The following BCLAF1 variants were observed in gnomAD, a reference collection of about 807,000 sequenced individuals.
BCLAF1 encodes the protein bcl-2-associated transcription factor 1.
BCLAF1 carries 10 observed loss-of-function variants against 99.5 expected under a neutral mutation model. That is an observed-to-expected ratio of 0.10 (90% CI 0.06 to 0.17). The LOEUF is 0.17. BCLAF1 is among the 10% of genes least tolerant of loss of function. The probability of loss-of-function intolerance (pLI) is 1.00; values close to 1 mark genes in which losing one functional copy is unlikely to be tolerated. For missense variants in BCLAF1, 636 were observed against 1,105.8 expected (o/e 0.58, Z 6.02); for synonymous variants, 255 against 370.9 (o/e 0.69, Z 3.59).
Position 136,259,113 on chromosome 6 carries a change from C to T in BCLAF1, c.*1997G>A, listed in dbSNP as rs1780670942. On this transcript the variant is annotated 3_prime_UTR_variant, in exon 13 of 13. Coordinates refer to ENST00000531224, the MANE Select transcript of BCLAF1 (RefSeq NM_014739.3). ...CTGAAAAAGGTAACATCCACAATGACATTCTATTACAGAGTTCTTACAATC... is the reference window on the plus strand; with the variant it reads ...CTGAAAAAGGTAACATCCACAATGATATTCTATTACAGAGTTCTTACAATC... 6.6e-6 allele frequency: 1 copy of T among 152,002 alleles called. No homozygotes were observed. Among genetic ancestry groups the T allele is most frequent in the Non-Finnish European group, 1.5e-5 (1 of 67,878 alleles). 9.4% of individuals were successfully genotyped at this position (152,002 alleles called of 1,614,324 possible).
intron 8 of BCLAF1, 109 bp from the exon 9 acceptor site, chr6:136,269,721 T>A: frequency 1.3e-6 from 1 of 768,524 alleles, no homozygotes; most frequent in African/African-American, 1.8e-5. Context: ...GGCATTTTAG[T>A]ATCAGAAAAT....
chr6:136,287,541 T>C (rs1004385383), intron 1 of BCLAF1, among the ~76,000 whole-genome samples: 1 of 152,216 alleles, frequency 6.6e-6, no homozygotes, highest in African/African-American at 2.4e-5. Context: ...CCTCTTCTAC[T>C]TATTTGGTAA....
chr6:136,276,540 C>G lies in BCLAF1; in HGVS notation c.1017-32G>C, dbSNP rs1278591139. The G allele has an allele frequency of 8.4e-6, 13 of 1,556,030 alleles. No homozygotes were observed. The Admixed American group carries it at 2.3e-4, about 28-fold the overall frequency. On this transcript the variant is annotated intron_variant, in intron 4 of 12. Coordinates refer to ENST00000531224, the MANE Select transcript of BCLAF1 (RefSeq NM_014739.3). ...ATAAGCAAAGAAGAGGATAGTAACTCTGGATTGCATTCACTGTAGATCGCT... is the reference window on the plus strand; with the variant it reads ...ATAAGCAAAGAAGAGGATAGTAACTGTGGATTGCATTCACTGTAGATCGCT...
In BCLAF1 at chr6:136,258,692, T is replaced by C. The variant is rs1780629291; in HGVS notation, c.*2418A>G. 1 of 152,542 alleles carries C rather than the reference T, an allele frequency of 6.6e-6. No individual in the cohort carries two copies. Among genetic ancestry groups the C allele is most frequent in the Non-Finnish European group, 1.5e-5 (1 of 67,930 alleles). The allele number at this position is 152,542 out of a possible 1,614,324, so 9.4% of individuals were successfully genotyped here. A position where few individuals can be genotyped will look rare whatever the true frequency, so the allele number is the denominator to read the frequency against. Reference sequence around the variant, plus strand: ...TCGTTTAGCCATCTACATTCAATGTTACTGGGTAATATTTTTCTCAAATTA... The same window carrying C: ...TCGTTTAGCCATCTACATTCAATGTCACTGGGTAATATTTTTCTCAAATTA... On this transcript the variant is annotated 3_prime_UTR_variant, in exon 13 of 13. Transcript: ENST00000531224.
Position 136,261,295 on chromosome 6 carries a change from T to C in BCLAF1, c.2727A>G (p.Glu909=). 1.2e-6 allele frequency: 2 copies of C among 1,613,710 alleles called. No homozygotes were observed. The highest frequency in any genetic ancestry group is 8.5e-7 in the Non-Finnish European group (1 of 1,179,850). ...CTTCCTTGCGTCTGTCCTTCTTTTC[T>C]TCATTATTTTCCATGGTCTCTTCTT... ...EDEEETMENN[E]EKKDRRKEEK... Residue 909 remains glutamate, a synonymous_variant, in exon 12 of 13, where the codon GAA becomes GAG. Coordinates refer to ENST00000531224, the MANE Select transcript of BCLAF1 (RefSeq NM_014739.3).
intron 1 of BCLAF1, among the ~76,000 whole-genome samples, chr6:136,288,206 T>C (rs113309584): frequency 2.2e-3 from 337 of 152,326 alleles, no homozygotes; most frequent in South Asian, 7.7e-3. Context: ...AATGTACTGG[T>C]TGAAACATGA....
intron 8 of BCLAF1, chr6:136,269,912 GATACAAATA>G: frequency 4.6e-6 from 1 of 215,748 alleles, no homozygotes. Flanking sequence ...TACAGTAAAT[GATACAAATA>G]TTTTTTCCAC....
At chr6:136,285,906 T>C (rs534474327) in intron 1 of BCLAF1, among the ~76,000 whole-genome samples, 97 of 152,196 alleles carry the variant, frequency 6.4e-4, no homozygotes, top group African/African-American at 2.3e-3. Context: ...GAGACCAGCC[T>C]GGCCAACATG....
intron 6 of BCLAF1, chr6:136,274,251 G>T: frequency 1.2e-6 from 1 of 845,606 alleles, no homozygotes; most frequent in Non-Finnish European, 1.7e-6. Flanking sequence ...AGTAAGAGCT[G>T]TTCAGATCGG....
chr6:136,286,249 A>C (rs1294804880), intron 1 of BCLAF1, among the ~76,000 whole-genome samples: 1 of 152,232 alleles, frequency 6.6e-6, no homozygotes, highest in African/African-American at 2.4e-5. Context: ...AGATTGTTGT[A>C]AACAAAGTAA....
Position 136,272,039 on chromosome 6 carries a change from G to C in BCLAF1, c.1999C>G (p.Arg667Gly). The C allele has an allele frequency of 6.2e-7, 1 of 1,605,034 alleles. No homozygotes were observed. The highest frequency in any genetic ancestry group is 8.5e-7 in the Non-Finnish European group (1 of 1,174,408). ...ISPSTLRKHT[R>G]LAGEERVFKE... ...AAAACTCTCTCTTCCCCTGCTAAAC[G>C]GGTATGCTTCCTCAGGGTACTTGGT... The change falls in exon 8 of 13, where the codon CGT (arginine) becomes GGT (glycine). Residue 667 changes from arginine (R) to glycine (G), a missense_variant. Arg to Gly is a moderately radical substitution (Grantham distance 125, BLOSUM62 -2). Around this residue, in one of 9 missense-constraint regions of BCLAF1, gnomAD observed 180 missense variants for 270.0 expected, o/e 0.67. Coordinates refer to ENST00000531224, the MANE Select transcript of BCLAF1 (RefSeq NM_014739.3).
intron 12 of BCLAF1, 35 bp downstream of exon 12, chr6:136,261,230 A>T: frequency 6.2e-7 from 1 of 1,601,646 alleles, no homozygotes; most frequent in Non-Finnish European, 8.5e-7. Context: ...TATATCAAAA[A>T]AAATCTGTCA....
At chr6:136,289,015 C>A (rs544313476) in intron 1 of BCLAF1, among the ~76,000 whole-genome samples, 29 of 152,338 alleles carry the variant, frequency 1.9e-4, no homozygotes, top group Admixed American at 4.6e-4. Context: ...CAACAGCGCG[C>A]GCTCGCTTCA....
At chr6:136,272,119 A>G in intron 7 of BCLAF1, 40 bp from the exon 8 acceptor site, 1 of 1,423,646 alleles carries the variant, frequency 7.0e-7, no homozygotes, top group Non-Finnish European at 9.6e-7. Context: ...CATATTATTA[A>G]CTTTTTGGTT....
chr6:136,271,557 C>G (rs1782530088), intron 8 of BCLAF1, among the ~76,000 whole-genome samples: 3 of 151,890 alleles, frequency 2.0e-5, no homozygotes, highest in Admixed American at 2.0e-4. Context: ...ATGCTTATTT[C>G]TTAATCCACA....
chr6:136,281,044 ATGAGT>A (rs1409960328), intron 2 of BCLAF1, among the ~76,000 whole-genome samples: 1 of 152,176 alleles, frequency 6.6e-6, no homozygotes, highest in Non-Finnish European at 1.5e-5. Flanking sequence ...AGGTACTAAG[ATGAGT>A]TCAGTTATAG....
chr6:136,288,316 A>C (rs1436788222), intron 1 of BCLAF1, among the ~76,000 whole-genome samples: 1 of 152,212 alleles, frequency 6.6e-6, no homozygotes, highest in Non-Finnish European at 1.5e-5. Flanking sequence ...CAGTGGGACG[A>C]GCACAGCTCA....
intron 11 of BCLAF1, among the ~76,000 whole-genome samples, 168 bp from the exon 12 acceptor site, chr6:136,261,645 T>C (rs1308584134): frequency 6.6e-6 from 1 of 152,080 alleles, no homozygotes; most frequent in Non-Finnish European, 1.5e-5. Context: ...TCAACAAAAA[T>C]ACATTCCATC....
At position 136,275,616 on chromosome 6, in the gene BCLAF1, C is replaced by T. The variant is rs748914608; in HGVS notation, c.1768G>A (p.Asp590Asn). 1.3e-6 allele frequency: 2 copies of T among 1,598,546 alleles called. No individual in the cohort carries two copies. The highest frequency in any genetic ancestry group is 1.7e-6 in the Non-Finnish European group (2 of 1,174,044). ...CTGGCCTGTGGCAACTTAATGTGGT[C>T]AAAGATGGATCGGAATTCTTGCTCC... is the stretch of plus-strand genomic sequence containing the variant. ...KKEQEFRSIF[D>N]HIKLPQASKS... is the part of the protein sequence containing the mutation. The change falls in exon 6 of 13, where the codon GAC becomes AAC. Residue 590 changes from aspartate to asparagine, a missense_variant. Asp to Asn is a conservative substitution (Grantham distance 23). Transcript: ENST00000531224.
Sources: gnomAD v4.1 joint callset for allele counts (sites outside exome capture counted in the v4.1 genomes callset) on GRCh38, gnomAD v4.1.1 for gene constraint, gnomAD v4.1.1 regional missense constraint, MANE v1.5 for transcripts, NCBI Gene and HGNC (gene_info 2026-07-23, HGNC 2026-07-21) for gene names.